TMEFF2: variants seen among roughly 807,000 people sequenced by gnomAD.
TMEFF2 encodes transmembrane protein with EGF like and two follistatin like domains 2, also known as tomoregulin-2.
In TMEFF2, 28 loss-of-function variants were observed where a neutral mutation model predicts 53.8. The observed-to-expected ratio is 0.52, with a 90% CI of 0.39 to 0.71. The LOEUF is 0.71. TMEFF2 is among the 30% of genes least tolerant of loss of function. The probability of loss-of-function intolerance (pLI) is 0.00; values close to 1 mark genes in which losing one functional copy is unlikely to be tolerated. For synonymous variants in TMEFF2, 162 were observed against 166.3 expected, an observed-to-expected ratio of 0.97 and a Z score of 0.20; for missense variants, 353 against 455.2, an observed-to-expected ratio of 0.78 and a Z score of 2.04.
intron 7 of TMEFF2, among the ~76,000 whole-genome samples, chr2:191,968,201 T>C (rs2105800815): frequency 6.6e-6 from 1 of 152,318 alleles, no homozygotes; most frequent in South Asian, 2.1e-4. Context: ...GTGCAGATTA[T>C]ACCAATGTTT....
At chr2:192,083,743 G>T (rs781418965) in intron 4 of TMEFF2, among the ~76,000 whole-genome samples, 2 of 150,156 alleles carry the variant, frequency 1.3e-5, no homozygotes, top group Non-Finnish European at 3.0e-5. Flanking sequence ...TTTCTTAAAG[G>T]CCCTAATTGT....
intron 7 of TMEFF2, among the ~76,000 whole-genome samples, chr2:191,964,324 CT>C: frequency 8.5e-6 from 1 of 117,140 alleles, no homozygotes; most frequent in African/African-American, 4.0e-5. Flanking sequence ...TCCTTCCTTC[CT>C]TTCTTTCCTT....
intron 3 of TMEFF2, among the ~76,000 whole-genome samples, chr2:192,180,992 C>T (rs1028519040): frequency 5.3e-5 from 8 of 151,776 alleles, no homozygotes; most frequent in South Asian, 2.1e-4. Flanking sequence ...CATATCTTTT[C>T]CTTAAAGGCA....
chr2:191,956,280 T>C lies in TMEFF2; in HGVS notation c.844A>G (p.Ile282Val). The C allele has an allele frequency of 1.2e-6, 2 of 1,613,726 alleles. No homozygotes were observed. The highest frequency in any genetic ancestry group is 2.2e-5 in the East Asian group (1 of 44,858). The stretch of plus-strand genomic sequence containing the variant: ...CTGCAAGATGGCTCCTGCATATTGA[T>C]AGAATGCTCACACTTCCCATGCATG... ...FCMHGKCEHS[I>V]NMQEPSCRCD... The change falls in exon 8 of 10, where the codon ATC (isoleucine) becomes GTC (valine). Residue 282 changes from isoleucine (I) to valine (V), a missense_variant. Around this residue, in one of 3 missense-constraint regions of TMEFF2, gnomAD observed 294 missense variants for 397.3 expected, o/e 0.74. Transcript: ENST00000272771.
At chr2:191,964,428 C>CT (rs1574249780) in intron 7 of TMEFF2, among the ~76,000 whole-genome samples, 3 of 122,740 alleles carry the variant, frequency 2.4e-5, no homozygotes, top group East Asian at 4.8e-4. Context: ...TTCTTTCTTT[C>CT]TTTCTTTCTG....
At chr2:192,039,011 G>A (rs960919095) in intron 5 of TMEFF2, among the ~76,000 whole-genome samples, 2 of 152,068 alleles carry the variant, frequency 1.3e-5, no homozygotes, top group Admixed American at 1.3e-4. Flanking sequence ...TTATTGCCAT[G>A]TGGTTTTTGG....
At chr2:192,154,472 A>G (rs1404173725) in intron 4 of TMEFF2, among the ~76,000 whole-genome samples, 2 of 152,018 alleles carry the variant, frequency 1.3e-5, no homozygotes, top group Non-Finnish European at 2.9e-5. Flanking sequence ...AATTCCACAA[A>G]TCAAAAACAG....
intron 4 of TMEFF2, among the ~76,000 whole-genome samples, chr2:192,069,726 A>G (rs1688242888): frequency 6.6e-6 from 1 of 151,790 alleles, no homozygotes. Context: ...TACTGCCATT[A>G]GATCACCAAG....
intron 7 of TMEFF2, among the ~76,000 whole-genome samples, chr2:191,976,599 T>TTAA (rs1250776347): frequency 2.6e-5 from 4 of 152,246 alleles, no homozygotes; most frequent in Non-Finnish European, 4.4e-5. Flanking sequence ...TTTATTATTG[T>TTAA]TAATGGTCTT....
At chr2:192,000,430 C>T (rs1024976847) in intron 5 of TMEFF2, among the ~76,000 whole-genome samples, 1 of 152,132 alleles carries the variant, frequency 6.6e-6, no homozygotes, top group Non-Finnish European at 1.5e-5. Flanking sequence ...AGGTCCCACT[C>T]ATAGATTTGT....
chr2:191,968,610 G>A (rs549304741), intron 7 of TMEFF2, among the ~76,000 whole-genome samples: 1 of 152,250 alleles, frequency 6.6e-6, no homozygotes, highest in South Asian at 2.1e-4. Flanking sequence ...ACGGGAAAAA[G>A]GGGTTCTGTA....
chr2:192,117,827 G>A (rs1411989859), intron 4 of TMEFF2, among the ~76,000 whole-genome samples: 2 of 151,788 alleles, frequency 1.3e-5, no homozygotes, highest in African/African-American at 2.4e-5. Flanking sequence ...TTTACATAGG[G>A]TGTACACTAA....
intron 4 of TMEFF2, among the ~76,000 whole-genome samples, chr2:192,114,064 TTGTGTGTGTGTG>T (rs34553641): frequency 0.021 from 2,990 of 143,156 alleles, 97 homozygotes; most frequent in African/African-American, 0.071. Flanking sequence ...AATCTGGAAA[TTGTGTGTGTGTG>T]TGTGTGTGTG....
intron 7 of TMEFF2, among the ~76,000 whole-genome samples, chr2:191,972,066 G>T (rs910996477): frequency 3.3e-5 from 5 of 152,054 alleles, no homozygotes; most frequent in Admixed American, 6.6e-5. Context: ...CTATGGTGGA[G>T]AGAGGGATAA....
intron 4 of TMEFF2, among the ~76,000 whole-genome samples, chr2:192,141,994 G>C (rs924019498): frequency 3.9e-5 from 6 of 152,116 alleles, no homozygotes; most frequent in Middle Eastern, 3.4e-3. Context: ...ATATGCCACT[G>C]TATCACACTG....
chr2:191,961,462 A>G (rs1692271556), intron 7 of TMEFF2, among the ~76,000 whole-genome samples: 1 of 152,124 alleles, frequency 6.6e-6, no homozygotes, highest in Non-Finnish European at 1.5e-5. Flanking sequence ...AAACTCCAGT[A>G]TTGAAATATT....
At chr2:191,996,328 CG>C (rs1405616725) in intron 7 of TMEFF2, among the ~76,000 whole-genome samples, 3 of 151,732 alleles carry the variant, frequency 2.0e-5, no homozygotes, top group Non-Finnish European at 1.5e-5. Flanking sequence ...AGTACAAAGA[CG>C]GATGGTTCAC....
intron 5 of TMEFF2, among the ~76,000 whole-genome samples, chr2:192,042,199 T>G (rs1405776374): frequency 3.5e-5 from 5 of 142,514 alleles, no homozygotes; most frequent in Non-Finnish European, 1.5e-5. Context: ...AGACTCTGTC[T>G]CAAAAAAAAA....
At chr2:192,153,308 T>A (rs542048051) in intron 4 of TMEFF2, among the ~76,000 whole-genome samples, 269 of 152,028 alleles carry the variant, frequency 1.8e-3, no homozygotes, top group African/African-American at 5.3e-3. Flanking sequence ...GGTATTTTTT[T>A]AAAAATTATG....
Sources: gnomAD v4.1 joint callset for allele counts (sites outside exome capture counted in the v4.1 genomes callset) on GRCh38, gnomAD v4.1.1 for gene constraint, gnomAD v4.1.1 regional missense constraint, MANE v1.5 for transcripts, NCBI Gene and HGNC (gene_info 2026-07-23, HGNC 2026-07-21) for gene names.